PIK3CB: variants seen among roughly 807,000 people sequenced by gnomAD.
The protein encoded by PIK3CB is phosphatidylinositol 4,5-bisphosphate 3-kinase catalytic subunit beta isoform.
Under a neutral mutation model 136.8 loss-of-function variants are expected in PIK3CB, and 39 were observed. The observed-to-expected ratio is 0.29, with a 90% CI of 0.22 to 0.37. PIK3CB has a LOEUF of 0.37. Among genes scored for constraint, PIK3CB ranks in the 10% least tolerant of loss-of-function variants. PIK3CB has a pLI of 1.00. For synonymous variants in PIK3CB, 428 were observed against 436.6 expected (o/e 0.98, Z 0.25); for missense variants, 868 against 1,275.4 (o/e 0.68, Z 4.87).
intron 23 of PIK3CB, 115 bp downstream of exon 23, chr3:138,656,027 C>T: frequency 9.7e-7 from 1 of 1,033,832 alleles, no homozygotes; most frequent in Non-Finnish European, 1.4e-6. Flanking sequence ...GGCTAAGAAC[C>T]ATCTTAGAGG....
At chr3:138,744,153 A>G (rs2045298574) in intron 4 of PIK3CB, among the ~76,000 whole-genome samples, 1 of 151,946 alleles carries the variant, frequency 6.6e-6, no homozygotes, top group Non-Finnish European at 1.5e-5. Context: ...GCACTTTGGG[A>G]GGCTGAGGCG....
chr3:138,792,406 G>A (rs549460540), intron 2 of PIK3CB, among the ~76,000 whole-genome samples: 27 of 151,972 alleles, frequency 1.8e-4, no homozygotes, highest in African/African-American at 6.3e-4. Context: ...ACACAGTCTC[G>A]CTCTGTTGCC....
chr3:138,761,085 C>T (rs991088455), intron 2 of PIK3CB, among the ~76,000 whole-genome samples: 3 of 152,126 alleles, frequency 2.0e-5, no homozygotes, highest in Non-Finnish European at 4.4e-5. Flanking sequence ...AGAAACTTTA[C>T]AATCGTCCGT....
At chr3:138,707,602 G>A in intron 10 of PIK3CB, 1 of 1,074,922 alleles carries the variant, frequency 9.3e-7, no homozygotes, top group Non-Finnish European at 1.1e-6. Context: ...TCAAAATTAG[G>A]TGGCCCATAG....
chr3:138,713,213 ATGTTGCCAAGATTGGTCTCC>A (rs2044540948), intron 9 of PIK3CB, among the ~76,000 whole-genome samples: 1 of 150,956 alleles, frequency 6.6e-6, no homozygotes, highest in Admixed American at 6.6e-5. Flanking sequence ...GGATCTCACC[ATGTTGCCAAGATTGGTCTCC>A]AACTCCTGTC....
intron 21 of PIK3CB, among the ~76,000 whole-genome samples, chr3:138,659,689 T>C (rs1442743724): frequency 6.6e-6 from 1 of 152,114 alleles, no homozygotes; most frequent in Non-Finnish European, 1.5e-5. Flanking sequence ...GCGAAAGTTT[T>C]AAGACTTTCT....
intron 8 of PIK3CB, among the ~76,000 whole-genome samples, chr3:138,716,102 CAGAT>C (rs1423169310): frequency 1.3e-5 from 2 of 151,970 alleles, no homozygotes; most frequent in South Asian, 2.1e-4. Context: ...ATTCTAAACA[CAGAT>C]GGATTATTAT....
At chr3:138,678,737 A>G (rs924582918) in intron 19 of PIK3CB, among the ~76,000 whole-genome samples, 3 of 152,198 alleles carry the variant, frequency 2.0e-5, no homozygotes, top group Non-Finnish European at 4.4e-5. Flanking sequence ...GACAAAACAG[A>G]CTAAAACAAA....
chr3:138,799,207 T>A (rs2046143250), intron 1 of PIK3CB, among the ~76,000 whole-genome samples: 1 of 146,150 alleles, frequency 6.8e-6, no homozygotes, highest in Admixed American at 6.9e-5. Context: ...AGACAGAGTC[T>A]CACTCTGTCG....
At chr3:138,787,039 C>T (rs886861064) in intron 2 of PIK3CB, among the ~76,000 whole-genome samples, 10 of 152,152 alleles carry the variant, frequency 6.6e-5, no homozygotes, top group African/African-American at 2.2e-4. Flanking sequence ...AAGCACTCAA[C>T]AATATCATCT....
intron 1 of PIK3CB, among the ~76,000 whole-genome samples, chr3:138,801,051 A>C (rs986089800): frequency 6.0e-4 from 91 of 152,264 alleles, no homozygotes; most frequent in African/African-American, 2.0e-3. Context: ...CTTCTTACTC[A>C]ATTCATTATG....
chr3:138,774,504 T>A (rs918988481), intron 2 of PIK3CB, among the ~76,000 whole-genome samples: 22 of 152,258 alleles, frequency 1.4e-4, no homozygotes, highest in African/African-American at 5.1e-4. Context: ...ATAGACTAAC[T>A]GAGGTGGGTG....
At position 138,742,755 on chromosome 3, in the gene PIK3CB, C is replaced by G. The variant is rs369650319; in HGVS notation, c.424G>C (p.Asp142His). The G allele has an allele frequency of 6.2e-7, 1 of 1,610,714 alleles. No homozygotes were observed. The highest frequency in any genetic ancestry group is 1.7e-4 in the Middle Eastern group (1 of 6,050). ...KGLHEFDSLK[D>H]PEVNEFRRKM... ...CTTCGAAATTCATTTACTTCAGGAT[C>G]CTTCAAGGAATCAAATTCATGCAGA... is the stretch of plus-strand genomic sequence containing the variant. Residue 142 changes from aspartate to histidine, a missense_variant, in exon 5 of 24, where the codon GAT (aspartate) becomes CAT (histidine). Asp to His is a moderately conservative substitution (Grantham distance 81, BLOSUM62 -1). Transcript: ENST00000674063.
At chr3:138,788,395 G>A (rs369352380) in intron 2 of PIK3CB, among the ~76,000 whole-genome samples, 3 of 151,562 alleles carry the variant, frequency 2.0e-5, no homozygotes, top group East Asian at 3.9e-4. Context: ...AGTGGCTCAC[G>A]CCTGTAATCC....
intron 1 of PIK3CB, among the ~76,000 whole-genome samples, chr3:138,807,238 A>G (rs2046244167): frequency 6.6e-6 from 1 of 152,176 alleles, no homozygotes; most frequent in South Asian, 2.1e-4. Flanking sequence ...GTTCGAGACC[A>G]GCCTGGGCAA....
intron 12 of PIK3CB, among the ~76,000 whole-genome samples, chr3:138,701,858 A>AT (rs1398958073): frequency 6.6e-6 from 1 of 150,796 alleles, no homozygotes; most frequent in Non-Finnish European, 1.5e-5. Flanking sequence ...TTAGAAAGGT[A>AT]TTTTTTAAAA....
chr3:138,672,926 AAAAAG>A (rs1350429699), intron 19 of PIK3CB, among the ~76,000 whole-genome samples: 77 of 151,228 alleles, frequency 5.1e-4, no homozygotes, highest in Admixed American at 9.9e-4. Context: ...AAAAAAAAAA[AAAAAG>A]AGAGAGAGAG....
At chr3:138,778,022 C>T in intron 2 of PIK3CB, 1 of 387,194 alleles carries the variant, frequency 2.6e-6, no homozygotes, top group South Asian at 2.1e-5. Flanking sequence ...GAATGGCAAG[C>T]TTGTCATCAA....
At chr3:138,784,760 G>T (rs1213850802) in intron 2 of PIK3CB, among the ~76,000 whole-genome samples, 3 of 152,216 alleles carry the variant, frequency 2.0e-5, no homozygotes, top group African/African-American at 7.2e-5. Flanking sequence ...GAATGCAGTG[G>T]CGTGATCTCA....
Sources: gnomAD v4.1 joint callset for allele counts (sites outside exome capture counted in the v4.1 genomes callset) on GRCh38, gnomAD v4.1.1 for gene constraint, MANE v1.5 for transcripts, NCBI Gene and HGNC (gene_info 2026-07-23, HGNC 2026-07-21) for gene names.